The following AEBP2 variants were observed in gnomAD, a reference collection of about 807,000 sequenced individuals.
AEBP2 encodes zinc finger protein AEBP2.
In AEBP2, 10 loss-of-function variants were observed where a neutral mutation model predicts 50.8. The ratio of observed to expected loss-of-function variants is 0.20; its 90% CI spans 0.12 to 0.33. The LOEUF (loss-of-function observed/expected upper bound fraction) is 0.33, where lower values mean the gene tolerates loss of function less well. AEBP2 is among the 10% of genes least tolerant of loss of function. AEBP2 has a pLI of 1.00. For synonymous variants in AEBP2, 296 were observed against 261.3 expected (o/e 1.13, Z -1.28); for missense variants, 570 against 688.0 (o/e 0.83, Z 1.92).
At chr12:19,428,211 G>A (rs1406795955) in intron 1 of AEBP2, among the ~76,000 whole-genome samples, 3 of 152,000 alleles carry the variant, frequency 2.0e-5, no homozygotes, top group African/African-American at 7.2e-5. Flanking sequence ...ACTCCAGCCT[G>A]GGCAAAAAAC....
intron 3 of AEBP2, among the ~76,000 whole-genome samples, chr12:19,492,881 TGGG>T (rs1227935604): frequency 6.6e-6 from 1 of 151,784 alleles, no homozygotes; most frequent in Non-Finnish European, 1.5e-5. Context: ...GAGGCTGAGG[TGGG>T]AGGATCACTT....
At chr12:19,482,783 C>T (rs1029030883) in intron 3 of AEBP2, among the ~76,000 whole-genome samples, 47 of 152,210 alleles carry the variant, frequency 3.1e-4, no homozygotes, top group African/African-American at 7.7e-4. Flanking sequence ...GGAGATAGGG[C>T]GTTGGTTTTC....
intron 1 of AEBP2, chr12:19,456,808 T>C: frequency 6.4e-7 from 1 of 1,562,856 alleles, no homozygotes; most frequent in Non-Finnish European, 8.8e-7. Context: ...GTGACCACCA[T>C]ACCAGGTTTG....
chr12:19,417,108 T>C (rs1405911987), intron 1 of AEBP2, among the ~76,000 whole-genome samples: 2 of 150,380 alleles, frequency 1.3e-5, no homozygotes, highest in African/African-American at 4.9e-5. Context: ...CCTGATCTCA[T>C]GATCCGGCCC....
chr12:19,479,830 A>T (rs113247519), intron 3 of AEBP2, among the ~76,000 whole-genome samples: 1 of 141,436 alleles, frequency 7.1e-6, no homozygotes, highest in South Asian at 2.2e-4. Context: ...TGCATGGAGT[A>T]TCTTTTTCCA....
chr12:19,452,331 G>A (rs1350775685), intron 1 of AEBP2, among the ~76,000 whole-genome samples: 1 of 152,074 alleles, frequency 6.6e-6, no homozygotes, highest in Non-Finnish European at 1.5e-5. Context: ...TCTCACACAA[G>A]CACATAGAAC....
intron 1 of AEBP2, among the ~76,000 whole-genome samples, chr12:19,427,979 G>A (rs969645686): frequency 1.6e-4 from 25 of 151,706 alleles, no homozygotes; most frequent in East Asian, 5.8e-4. Context: ...GTGATCTCCC[G>A]TAATCCCAGC....
intron 5 of AEBP2, among the ~76,000 whole-genome samples, chr12:19,505,157 G>A (rs915910955): frequency 6.6e-6 from 1 of 152,218 alleles, no homozygotes; most frequent in Admixed American, 6.5e-5. Flanking sequence ...CAAGGTTAGA[G>A]CCTTGCTCAC....
chr12:19,488,293 T>TC (rs1948843867), intron 3 of AEBP2, among the ~76,000 whole-genome samples: 1 of 149,888 alleles, frequency 6.7e-6, no homozygotes, highest in Admixed American at 6.6e-5. Flanking sequence ...TTTTTGTATT[T>TC]TTTTTTTTTT....
chr12:19,408,018 T>C (rs2095737241), intron 1 of AEBP2, among the ~76,000 whole-genome samples: 1 of 150,446 alleles, frequency 6.6e-6, no homozygotes, highest in Non-Finnish European at 1.5e-5. Context: ...GCCATTGCAC[T>C]CCAGCCTGGG....
chr12:19,488,959 T>C (rs764628584), intron 3 of AEBP2, among the ~76,000 whole-genome samples: 43 of 152,122 alleles, frequency 2.8e-4, no homozygotes, highest in Non-Finnish European at 5.1e-4. Flanking sequence ...CGGCTAATTT[T>C]AGTATTTTTA....
At chr12:19,454,987 C>T (rs1227767164) in intron 1 of AEBP2, among the ~76,000 whole-genome samples, 1 of 151,760 alleles carries the variant, frequency 6.6e-6, no homozygotes, top group Non-Finnish European at 1.5e-5. Flanking sequence ...GGTGCTCAAG[C>T]TTTGGTGGTT....
In AEBP2 at chr12:19,518,378, CT is replaced by C; in HGVS notation, c.*265del. The C allele has an allele frequency of 8.1e-7, 1 of 1,227,566 alleles. No individual in the cohort carries two copies. Among genetic ancestry groups the C allele is most frequent in the Admixed American group, 4.0e-5 (1 of 25,168 alleles). The allele number at this position is 1,227,566 out of a possible 1,614,324, so 76.0% of individuals were successfully genotyped here. A position where few individuals can be genotyped will look rare whatever the true frequency, so the allele number is the denominator to read the frequency against. ...TACTGTGGGAGACTGAGCAAACACT[CT>C]TTTGGCAACTTAGTAGAACAGCTTC... On this transcript the variant is annotated 3_prime_UTR_variant, in exon 8 of 8. Coordinates refer to ENST00000266508, the MANE Select transcript of AEBP2 (RefSeq NM_153207.5).
intron 1 of AEBP2, among the ~76,000 whole-genome samples, chr12:19,405,619 C>T (rs1470279362): frequency 1.3e-5 from 2 of 152,080 alleles, no homozygotes; most frequent in African/African-American, 2.4e-5. Context: ...CCACTGCGCC[C>T]GGCTGGATTT....
intron 1 of AEBP2, among the ~76,000 whole-genome samples, chr12:19,446,732 C>CAAAA (rs34624474): frequency 3.2e-4 from 37 of 115,018 alleles, no homozygotes; most frequent in East Asian, 1.0e-3. Flanking sequence ...ACTCCGTTTC[C>CAAAA]AAAAAAAAAA....
intron 1 of AEBP2, chr12:19,456,736 T>C: frequency 1.3e-6 from 2 of 1,590,496 alleles, no homozygotes; most frequent in Non-Finnish European, 1.7e-6. Flanking sequence ...AGAGTTTCAC[T>C]CAAAGCTTCA....
chr12:19,490,767 AG>A (rs1280177212), intron 3 of AEBP2, among the ~76,000 whole-genome samples: 1 of 152,192 alleles, frequency 6.6e-6, no homozygotes, highest in East Asian at 1.9e-4. Flanking sequence ...TGCTCGGCTC[AG>A]GTTTTAAATT....
chr12:19,455,954 T>TC (rs1465829544), intron 1 of AEBP2, among the ~76,000 whole-genome samples: 161 of 145,092 alleles, frequency 1.1e-3, no homozygotes, highest in African/African-American at 4.2e-3. Flanking sequence ...CTTTTTTTTT[T>TC]TCCTCATTAA....
At chr12:19,454,877 C>G (rs1187485246) in intron 1 of AEBP2, among the ~76,000 whole-genome samples, 1 of 152,192 alleles carries the variant, frequency 6.6e-6, no homozygotes, top group Non-Finnish European at 1.5e-5. Flanking sequence ...TTGCCCCTAT[C>G]CATTTGACCT....
Sources: allele counts gnomAD v4.1 joint callset (sites outside exome capture counted in the v4.1 genomes callset), GRCh38; gene constraint gnomAD v4.1.1; transcripts MANE v1.5; gene names NCBI Gene and HGNC (gene_info 2026-07-23, HGNC 2026-07-21).